The following SCLT1 variants were observed in gnomAD, a reference collection of about 807,000 sequenced individuals.
SCLT1 encodes the protein sodium channel and clathrin linker 1, also known as sodium channel-associated protein 1.
Under a neutral mutation model 112.8 loss-of-function variants are expected in SCLT1, and 78 were observed. The ratio of observed to expected loss-of-function variants is 0.69; its 90% CI spans 0.58 to 0.83. The LOEUF is 0.83. Among genes scored for constraint, SCLT1 ranks in the 40% least tolerant of loss-of-function variants. The pLI is 0.00. For synonymous variants in SCLT1, 257 were observed against 254.7 expected (o/e 1.01, Z -0.09); for missense variants, 747 against 770.4 (o/e 0.97, Z 0.36).
chr4:128,873,295 AAAAG>A (rs1468511144), intron 5 of SCLT1: 3 of 152,030 alleles, frequency 2.0e-5, no homozygotes, highest in African/African-American at 7.3e-5. Flanking sequence ...AAAAAAAGAA[AAAAG>A]AAAAAAAGAG....
chr4:128,897,657 A>G (rs1388532166), intron 18 of SCLT1, among the ~76,000 whole-genome samples: 1 of 152,250 alleles, frequency 6.6e-6, no homozygotes, highest in Non-Finnish European at 1.5e-5. Context: ...GACAGGATCA[A>G]ATTCACACAT....
chr4:129,066,660 T>G (rs1459669082), intron 2 of SCLT1, among the ~76,000 whole-genome samples: 1 of 152,080 alleles, frequency 6.6e-6, no homozygotes, highest in Non-Finnish European at 1.5e-5. Flanking sequence ...AATGGATACA[T>G]TTTGGTATAG....
chr4:128,965,113 G>T, intron 11 of SCLT1, 114 bp downstream of exon 11: 1 of 600,660 alleles, frequency 1.7e-6, no homozygotes, highest in Non-Finnish European at 3.0e-6. Context: ...TATGATTATA[G>T]TTTTGATTTG....
In SCLT1 at chr4:128,891,079, C is replaced by T. The variant is rs766763388; in HGVS notation, c.1888G>A (p.Ala630Thr). The change falls in exon 19 of 21, where the codon GCA becomes ACA. Residue 630 changes from alanine (A) to threonine (T), a missense_variant. Physicochemically the swap from Ala to Thr is moderately conservative, Grantham distance 58. Around this residue, in one of 2 missense-constraint regions of SCLT1, gnomAD observed 723 missense variants for 721.3 expected, o/e 1.00. Transcript: ENST00000281142. ...TQELLSQLEM[A>T]NEKVAENEKL... Reference sequence around the variant, plus strand: ...CTCACCTCAGCTACCTTTTCATTTGCCATTTCCAGCTGAGAAAGCAGCTCT... The same window carrying T: ...CTCACCTCAGCTACCTTTTCATTTGTCATTTCCAGCTGAGAAAGCAGCTCT... 7.4e-5 allele frequency: 120 copies of T among 1,612,666 alleles called. 1 individual carries two copies. In the East Asian group the frequency reaches 2.6e-3, roughly 35 times the overall value.
chr4:128,894,803 C>A (rs866842282), intron 18 of SCLT1, among the ~76,000 whole-genome samples: 2 of 152,052 alleles, frequency 1.3e-5, no homozygotes, highest in Non-Finnish European at 2.9e-5. Flanking sequence ...CCAGCCTCCC[C>A]AGTAGCTGGG....
intron 1 of SCLT1, among the ~76,000 whole-genome samples, chr4:129,088,719 C>G (rs1752599172): frequency 1.3e-5 from 2 of 152,210 alleles, no homozygotes; most frequent in South Asian, 4.1e-4. Context: ...GCCATCTGAT[C>G]TTTGACAAAC....
intron 3 of SCLT1, among the ~76,000 whole-genome samples, chr4:129,043,701 T>C (rs1025019082): frequency 6.6e-6 from 1 of 152,190 alleles, no homozygotes; most frequent in Admixed American, 6.5e-5. Context: ...TTTAACAGCA[T>C]ACTTGGCCTC....
chr4:128,959,778 C>T lies in SCLT1; in HGVS notation c.870-1G>A, dbSNP rs781647553. Reference sequence around the variant, plus strand: ...GGCTTCTTGGATTGTCACACATAATCTAGAAATCAATAATTACACTGGGAA... The same window carrying T: ...GGCTTCTTGGATTGTCACACATAATTTAGAAATCAATAATTACACTGGGAA... On this transcript the variant is annotated splice_acceptor_variant, in intron 11 of 20. Coordinates refer to ENST00000281142, the MANE Select transcript of SCLT1 (RefSeq NM_144643.4). LOFTEE classifies it high-confidence loss of function. 6.2e-7 allele frequency: 1 copy of T among 1,609,734 alleles called. No homozygotes were observed. Among genetic ancestry groups the T allele is most frequent in the East Asian group, 2.2e-5 (1 of 44,756 alleles).
chr4:129,061,900 A>T (rs1222806234), intron 2 of SCLT1, among the ~76,000 whole-genome samples: 3 of 152,168 alleles, frequency 2.0e-5, no homozygotes, highest in Non-Finnish European at 4.4e-5. Flanking sequence ...CTCAGGTGTC[A>T]GGGTACAGTG....
intron 3 of SCLT1, among the ~76,000 whole-genome samples, chr4:128,877,813 A>C (rs1732555923): frequency 1.3e-5 from 2 of 152,238 alleles, no homozygotes; most frequent in Admixed American, 1.3e-4. Flanking sequence ...ACTGGTTAAA[A>C]GACTTTGAGT....
At chr4:128,919,424 T>G (rs1735711906) in intron 18 of SCLT1, among the ~76,000 whole-genome samples, 1 of 152,060 alleles carries the variant, frequency 6.6e-6, no homozygotes, top group Admixed American at 6.6e-5. Context: ...GCTAAAGCAG[T>G]GTTAAGCAGA....
rs544207639 is a variant in SCLT1 at position 129,001,925 on chromosome 4, T to C, written c.426+1816A>G. Among the ~76,000 whole-genome samples, 6 of 152,188 alleles carry C rather than the reference T, an allele frequency of 3.9e-5. No homozygotes were observed. The South Asian group carries it at 6.2e-4, about 16-fold the overall frequency. On this transcript the variant is annotated intron_variant, in intron 6 of 20. Transcript: ENST00000281142. ...AATCCCATGAAATCAATTATAAATC[T>C]TTCCTAGTCTAGAACAAACAGCATG... is the stretch of plus-strand genomic sequence containing the variant.
At position 128,949,846 on chromosome 4, in the gene SCLT1, C is replaced by CTT. The variant is rs71589013; in HGVS notation, c.1219-1278_1219-1277dup. Among the ~76,000 whole-genome samples, 210 of 144,692 alleles carry CTT rather than the reference C, an allele frequency of 1.5e-3. 1 individual carries two copies. Among genetic ancestry groups the CTT allele is most frequent in the East Asian group, 3.8e-3 (19 of 4,986 alleles). The allele number at this position is 144,692 out of a possible 152,430, so 94.9% of individuals were successfully genotyped here. ...ATAGTGGGGTATGGCTTTTTTTCCT[C>CTT]TTTTTTTTTTTTCCCCTAATTGTGA... On this transcript the variant is annotated intron_variant, in intron 14 of 20. Transcript: ENST00000281142.
chr4:129,030,553 A>T (rs977017617), intron 5 of SCLT1, among the ~76,000 whole-genome samples: 1 of 152,124 alleles, frequency 6.6e-6, no homozygotes, highest in African/African-American at 2.4e-5. Context: ...AACAATATAG[A>T]CGGACCTCTA....
intron 15 of SCLT1, among the ~76,000 whole-genome samples, chr4:128,947,791 G>A (rs1341577408): frequency 6.6e-6 from 1 of 152,108 alleles, no homozygotes; most frequent in Non-Finnish European, 1.5e-5. Flanking sequence ...TTCTTCCTAA[G>A]TGTGAAATTA....
chr4:129,075,220 T>C (rs962237033), intron 2 of SCLT1, among the ~76,000 whole-genome samples: 1 of 152,186 alleles, frequency 6.6e-6, no homozygotes, highest in Non-Finnish European at 1.5e-5. Flanking sequence ...AATATGTAAA[T>C]TGCATCTTTT....
At chr4:129,047,577 TG>T (rs1198930146) in intron 2 of SCLT1, among the ~76,000 whole-genome samples, 1 of 152,148 alleles carries the variant, frequency 6.6e-6, no homozygotes, top group Non-Finnish European at 1.5e-5. Context: ...CTCTCCACAG[TG>T]GCTAAACTAA....
At chr4:128,896,933 G>A (rs1391894807) in intron 18 of SCLT1, among the ~76,000 whole-genome samples, 1 of 152,190 alleles carries the variant, frequency 6.6e-6, no homozygotes, top group Non-Finnish European at 1.5e-5. Context: ...AGTGATGGAA[G>A]ATCAAATGAA....
intron 4 of SCLT1, chr4:129,039,641 GAC>G (rs1008609030): frequency 3.8e-5 from 6 of 158,024 alleles, no homozygotes; most frequent in African/African-American, 1.4e-4. Context: ...AAGGTAAACA[GAC>G]ATGCTCATTG....
Sources: allele counts gnomAD v4.1 joint callset (sites outside exome capture counted in the v4.1 genomes callset), GRCh38; gene constraint gnomAD v4.1.1; regional missense constraint gnomAD v4.1.1; transcripts MANE v1.5; gene names NCBI Gene and HGNC (gene_info 2026-07-23, HGNC 2026-07-21).